Variants in KCNIP4 observed in about 807,000 individuals in gnomAD.
KCNIP4 encodes the protein potassium voltage-gated channel interacting protein 4.
A neutral mutation model predicts 34.0 loss-of-function variants in KCNIP4; 12 were observed. That is an observed-to-expected ratio of 0.35 (90% CI 0.23 to 0.57). KCNIP4 has a LOEUF of 0.57. Among genes scored for constraint, KCNIP4 ranks in the 20% least tolerant of loss-of-function variants. The pLI is 0.83. For missense variants in KCNIP4, 238 were observed against 311.7 expected, an observed-to-expected ratio of 0.76 and a Z score of 1.78; for synonymous variants, 124 against 102.2, an observed-to-expected ratio of 1.21 and a Z score of -1.29.
chr4:20,843,075 T>C (rs1038574523), intron 3 of KCNIP4, among the ~76,000 whole-genome samples: 1 of 152,088 alleles, frequency 6.6e-6, no homozygotes, highest in South Asian at 2.1e-4. Flanking sequence ...GCCTGGCTAA[T>C]TTTTGTATTT....
intron 1 of KCNIP4, chr4:21,697,498 T>C: frequency 1.3e-6 from 2 of 1,505,532 alleles, no homozygotes; most frequent in Non-Finnish European, 1.8e-6. Context: ...ATAATAATAA[T>C]AATAATAAAA....
At chr4:21,737,032 G>A (rs368771299) in intron 1 of KCNIP4, among the ~76,000 whole-genome samples, 5 of 152,000 alleles carry the variant, frequency 3.3e-5, no homozygotes, top group South Asian at 4.2e-4. Flanking sequence ...ATAAAAAAAA[G>A]AAAGTAAGTT....
chr4:21,713,930 C>T (rs372646393), intron 1 of KCNIP4, among the ~76,000 whole-genome samples: 115 of 152,212 alleles, frequency 7.6e-4, no homozygotes, highest in African/African-American at 1.4e-3. Context: ...TAAAATTCAA[C>T]GAAAATGATA....
At chr4:21,332,674 C>T (rs931326479) in intron 1 of KCNIP4, among the ~76,000 whole-genome samples, 4 of 151,882 alleles carry the variant, frequency 2.6e-5, no homozygotes, top group African/African-American at 9.7e-5. Context: ...AGATTAAACC[C>T]TTCTCTCCAT....
chr4:21,487,997 A>G (rs1159626848), intron 1 of KCNIP4, among the ~76,000 whole-genome samples: 2 of 152,118 alleles, frequency 1.3e-5, no homozygotes, highest in Non-Finnish European at 2.9e-5. Context: ...GAAAAATTGT[A>G]TTAGAAACCA....
chr4:20,838,377 T>C (rs1048579518), intron 3 of KCNIP4, among the ~76,000 whole-genome samples: 1 of 152,204 alleles, frequency 6.6e-6, no homozygotes, highest in African/African-American at 2.4e-5. Context: ...TTTTTAGGAA[T>C]ATTAACCAGA....
chr4:21,616,464 C>T (rs1744614283), intron 1 of KCNIP4, among the ~76,000 whole-genome samples: 2 of 152,222 alleles, frequency 1.3e-5, no homozygotes, highest in Non-Finnish European at 2.9e-5. Context: ...TTGTCTACAA[C>T]AGGTCCTGAA....
intron 1 of KCNIP4, among the ~76,000 whole-genome samples, chr4:21,221,058 A>C (rs185911179): frequency 6.6e-6 from 1 of 152,252 alleles, no homozygotes; most frequent in Admixed American, 6.5e-5. Context: ...GCTTTTAAAT[A>C]ATTCATCGTT....
rs972735502 is a variant in KCNIP4, at chr4:21,033,419, G to GT, written c.62-150711dup. ...CTCTTCAAAAGTCAAGCAGGGCTATGTTTTTTGAGAACTCAGCCCTTTAGG... is the reference window on the plus strand; with the variant it reads ...CTCTTCAAAAGTCAAGCAGGGCTATGTTTTTTTGAGAACTCAGCCCTTTAGG... On this transcript the variant is annotated intron_variant, in intron 1 of 8. Transcript: ENST00000382152. Among the ~76,000 whole-genome samples the GT allele has an allele frequency of 3.3e-5, 5 of 152,282 alleles. No individual in the cohort carries two copies. In the South Asian group the frequency reaches 6.2e-4, roughly 19 times the overall value.
chr4:21,321,217 G>A (rs1218666129), intron 1 of KCNIP4, among the ~76,000 whole-genome samples: 1 of 152,168 alleles, frequency 6.6e-6, no homozygotes, highest in Non-Finnish European at 1.5e-5. Flanking sequence ...ATGGCAAAAT[G>A]CAGCCAGCAA....
chr4:21,242,163 C>CAAAAAAAAAAAAAAA (rs11436478), intron 1 of KCNIP4, among the ~76,000 whole-genome samples: 2 of 55,778 alleles, frequency 3.6e-5, no homozygotes, highest in African/African-American at 1.1e-4. Flanking sequence ...AATTCTGTCT[C>CAAAAAAAAAAAAAAA]AAAAAAAAAA....
chr4:21,675,200 G>A (rs1749797127), intron 1 of KCNIP4, among the ~76,000 whole-genome samples: 1 of 152,142 alleles, frequency 6.6e-6, no homozygotes, highest in African/African-American at 2.4e-5. Context: ...GGCAGAGAAA[G>A]ACAAATATTG....
chr4:21,571,184 T>C (rs1740340804), intron 1 of KCNIP4, among the ~76,000 whole-genome samples: 1 of 152,170 alleles, frequency 6.6e-6, no homozygotes, highest in Non-Finnish European at 1.5e-5. Context: ...CTCACTTCTT[T>C]AGGTTTGTCA....
intron 1 of KCNIP4, among the ~76,000 whole-genome samples, chr4:21,863,444 T>C (rs1433707860): frequency 6.6e-6 from 1 of 152,070 alleles, no homozygotes; most frequent in Non-Finnish European, 1.5e-5. Flanking sequence ...CCCTCTCAAT[T>C]TGTAGGTAAG....
intron 8 of KCNIP4, chr4:20,731,192 CCCAAGTAGCTGAGACTTCAG>C: frequency 6.4e-6 from 1 of 157,372 alleles, no homozygotes; most frequent in Non-Finnish European, 1.4e-5. Context: ...GCCTCAGCCT[CCCAAGTAGCTGAGACTTCAG>C]CCACGTGCCA....
At chr4:21,424,210 A>G (rs1261734158) in intron 1 of KCNIP4, among the ~76,000 whole-genome samples, 1 of 152,084 alleles carries the variant, frequency 6.6e-6, no homozygotes, top group East Asian at 1.9e-4. Context: ...TACCTTTTGT[A>G]CTAGAAAAGG....
chr4:21,483,721 T>G (rs1403790120), intron 1 of KCNIP4, among the ~76,000 whole-genome samples: 1 of 150,352 alleles, frequency 6.7e-6, no homozygotes, highest in Admixed American at 6.6e-5. Context: ...ACCTGGGAGG[T>G]GGAGGTTGCA....
At chr4:21,189,156 G>C (rs1398826245) in intron 1 of KCNIP4, among the ~76,000 whole-genome samples, 1 of 152,156 alleles carries the variant, frequency 6.6e-6, no homozygotes, top group Admixed American at 6.5e-5. Context: ...CATTCCAAGT[G>C]TTTTATAAAT....
Position 21,757,171 on chromosome 4 carries a change from G to A in KCNIP4, c.61+191400C>T, listed in dbSNP as rs1169099370. Among the ~76,000 whole-genome samples the A allele has an allele frequency of 3.2e-4, 10 of 30,886 alleles. 1 individual carries two copies. The highest frequency in any genetic ancestry group is 9.7e-4 in the South Asian group (1 of 1,032). 20.3% of individuals were successfully genotyped at this position (30,886 alleles called of 152,430 possible). A position where few individuals can be genotyped will look rare whatever the true frequency, so the allele number is the denominator to read the frequency against. ...AGAAAGAAAGAAAGAAAGAAAGAAG[G>A]AAGGAAGGAAGGAAGGAAGGAAGGA... On this transcript the variant is annotated intron_variant, in intron 1 of 8. Transcript: ENST00000382152.
Sources: allele counts gnomAD v4.1 joint callset (sites outside exome capture counted in the v4.1 genomes callset), GRCh38; gene constraint gnomAD v4.1.1; transcripts MANE v1.5; gene names NCBI Gene and HGNC (gene_info 2026-07-23, HGNC 2026-07-21).